The following NEMP2 variants were observed in gnomAD, a reference collection of about 807,000 sequenced individuals.
NEMP2 encodes UPF0571 transmembrane protein.
In NEMP2, 53 loss-of-function variants were observed where a neutral mutation model predicts 54.2. That is an observed-to-expected ratio of 0.98 (90% CI 0.78 to 1.23). NEMP2 has a LOEUF of 1.23. NEMP2 is among the 50% of genes most tolerant of loss of function. The pLI is 0.00. For missense variants in NEMP2, 455 were observed against 511.3 expected (o/e 0.89, Z 1.06); for synonymous variants, 197 against 190.3 (o/e 1.04, Z -0.29).
chr2:190,510,631 C>T lies in NEMP2; in HGVS notation c.954-94G>A. 7.2e-7 allele frequency: 1 copy of T among 1,384,758 alleles called. No homozygotes were observed. The highest frequency in any genetic ancestry group is 9.9e-7 in the Non-Finnish European group (1 of 1,010,148). 85.8% of individuals were successfully genotyped at this position (1,384,758 alleles called of 1,614,324 possible). A position where few individuals can be genotyped will look rare whatever the true frequency, so the allele number is the denominator to read the frequency against. On this transcript the variant is annotated intron_variant, in intron 7 of 8. Coordinates refer to ENST00000409150, the MANE Select transcript of NEMP2 (RefSeq NM_001142645.2). The surrounding 1 kb of genome is among the most constrained non-coding windows in gnomAD (Gnocchi z 5.7). ...GGCTCGGTGGCTCACGCCTGTAATCCAGCATTTTGGGAGGCCTGGGGAGGC... is the reference window on the plus strand; with the variant it reads ...GGCTCGGTGGCTCACGCCTGTAATCTAGCATTTTGGGAGGCCTGGGGAGGC...
the NEMP2 span, among the ~76,000 whole-genome samples, chr2:190,474,623 A>C: frequency 1.3e-5 from 2 of 152,246 alleles, no homozygotes; most frequent in Non-Finnish European, 2.9e-5. Flanking sequence ...TCACAGCTGA[A>C]TTCGACCAGA....
At chr2:190,490,807 G>A in the NEMP2 span, among the ~76,000 whole-genome samples, 6,553 of 152,262 alleles carry the variant, frequency 0.043, 244 homozygotes, top group Middle Eastern at 0.15. This position sits in a 1 kb window ranked among gnomAD's most constrained non-coding sequence, Gnocchi z 4.5. Context: ...TATCCTTTGC[G>A]GAGCATTAGC....
downstream of NEMP2, chr2:190,500,284 C>G: frequency 6.4e-7 from 1 of 1,562,426 alleles, no homozygotes; most frequent in East Asian, 2.3e-5. The surrounding 1 kb of genome is among the most constrained non-coding windows in gnomAD (Gnocchi z 5.3). Flanking sequence ...AGGGTGAGGC[C>G]CCCCAGCCAG....
At chr2:190,546,392 G>A in the NEMP2 span, among the ~76,000 whole-genome samples, 1 of 152,042 alleles carries the variant, frequency 6.6e-6, no homozygotes, top group Non-Finnish European at 1.5e-5. This position sits in a 1 kb window ranked among gnomAD's most constrained non-coding sequence, Gnocchi z 5.1. Flanking sequence ...ATGAATGTAG[G>A]CTATATACAA....
At chr2:190,503,177 C>T (rs1690092836), downstream of NEMP2, among the ~76,000 whole-genome samples, 1 of 152,198 alleles carries the variant, frequency 6.6e-6, no homozygotes. The surrounding 1 kb of genome is among the most constrained non-coding windows in gnomAD (Gnocchi z 6.3). Context: ...TGTAGGTACA[C>T]CAGACCCTTT....
At chr2:190,623,889 C>A in the NEMP2 span, among the ~76,000 whole-genome samples, 1 of 152,078 alleles carries the variant, frequency 6.6e-6, no homozygotes, top group Admixed American at 6.5e-5. Flanking sequence ...AAGATACAAC[C>A]TACAGAACGG....
the NEMP2 span, among the ~76,000 whole-genome samples, chr2:190,569,376 G>A: frequency 7.0e-6 from 1 of 142,880 alleles, no homozygotes; most frequent in South Asian, 2.4e-4. Flanking sequence ...AGAGTTGTGA[G>A]GCCATTACCT....
At chr2:190,534,455 G>A (rs1691286529) in intron 1 of NEMP2, 104 bp downstream of exon 1, 1 of 1,241,086 alleles carries the variant, frequency 8.1e-7, no homozygotes, top group Non-Finnish European at 1.0e-6. Flanking sequence ...CCGCCCCAGT[G>A]GGCCTCGCGG....
chr2:190,426,989 G>A, the NEMP2 span, among the ~76,000 whole-genome samples: 2 of 152,226 alleles, frequency 1.3e-5, no homozygotes, highest in Non-Finnish European at 2.9e-5. The surrounding 1 kb of genome is among the most constrained non-coding windows in gnomAD (Gnocchi z 4.7). Context: ...TTTCATTACT[G>A]TGAAGTGGAG....
chr2:190,458,760 T>C, the NEMP2 span, among the ~76,000 whole-genome samples: 1 of 152,148 alleles, frequency 6.6e-6, no homozygotes, highest in Non-Finnish European at 1.5e-5. The surrounding 1 kb of genome is among the most constrained non-coding windows in gnomAD (Gnocchi z 5.3). Flanking sequence ...GACTGTATTG[T>C]CCAATTGAGA....
the NEMP2 span, among the ~76,000 whole-genome samples, chr2:190,594,725 A>C: frequency 2.6e-4 from 39 of 152,284 alleles, no homozygotes; most frequent in Middle Eastern, 3.4e-3. This position sits in a 1 kb window ranked among gnomAD's most constrained non-coding sequence, Gnocchi z 5.6. Flanking sequence ...GTGCCAGTAC[A>C]CCCGGCTAAT....
chr2:190,561,224 A>C, the NEMP2 span, among the ~76,000 whole-genome samples: 3 of 152,008 alleles, frequency 2.0e-5, no homozygotes, highest in African/African-American at 7.3e-5. This position sits in a 1 kb window ranked among gnomAD's most constrained non-coding sequence, Gnocchi z 5.4. Context: ...CAATCATCCT[A>C]CTTGAGAAGA....
chr2:190,630,429 G>T, the NEMP2 span, among the ~76,000 whole-genome samples: 2 of 151,942 alleles, frequency 1.3e-5, no homozygotes, highest in Non-Finnish European at 2.9e-5. This position sits in a 1 kb window ranked among gnomAD's most constrained non-coding sequence, Gnocchi z 5.5. Flanking sequence ...TGTTGGCCAG[G>T]CTAGCCTCAA....
rs1191279652 is a variant in NEMP2 at position 190,523,320 on chromosome 2, G to C, written c.213+1943C>G. On this transcript the variant is annotated intron_variant, in intron 2 of 8. Coordinates refer to ENST00000409150, the MANE Select transcript of NEMP2 (RefSeq NM_001142645.2). This position sits in a 1 kb window ranked among gnomAD's most constrained non-coding sequence, Gnocchi z 5.3. ...TGTTACTAGGTTTGTTTTTTGTAAT[G>C]GTATGACTTACCAATTCTGTAACTA... 1.3e-5 allele frequency among the ~76,000 whole-genome samples: 2 copies of C among 152,058 alleles called. No individual in the cohort carries two copies. The highest frequency in any genetic ancestry group is 2.9e-5 in the Non-Finnish European group (2 of 68,020).
chr2:190,483,237 TAAC>T, the NEMP2 span, among the ~76,000 whole-genome samples: 1 of 152,110 alleles, frequency 6.6e-6, no homozygotes, highest in African/African-American at 2.4e-5. Flanking sequence ...TGTTTGATAT[TAAC>T]AACAAAATCT....
chr2:190,535,691 G>A (rs1027023070), upstream of NEMP2, among the ~76,000 whole-genome samples: 7 of 152,162 alleles, frequency 4.6e-5, no homozygotes, highest in African/African-American at 1.7e-4. Flanking sequence ...CTCAAAGAAA[G>A]GTTTAACCAA....
At position 190,518,953 on chromosome 2, in the gene NEMP2, G is replaced by C; in HGVS notation, c.444C>G (p.Asn148Lys). ...IFNYMIHVNR[N>K]IMDFKLFLVF... is the part of the protein sequence containing the mutation. ...CAAGTATAATAAAATCGGACTTACT[G>C]TTTCGATTCACATGTATCATATAGT... is the stretch of plus-strand genomic sequence containing the variant. The change falls in exon 3 of 9, where the codon AAC (asparagine) becomes AAG (lysine). Residue 148 changes from asparagine to lysine, a missense_variant and splice_region_variant. Physicochemically the swap from Asn to Lys is moderately conservative, Grantham distance 94 (BLOSUM62 0). Transcript: ENST00000409150. 1 of 1,547,412 alleles carries C rather than the reference G, an allele frequency of 6.5e-7. No individual in the cohort carries two copies. Among genetic ancestry groups the C allele is most frequent in the South Asian group, 1.2e-5 (1 of 83,848 alleles).
chr2:190,436,195 T>C, the NEMP2 span: 2 of 1,614,198 alleles, frequency 1.2e-6, no homozygotes, highest in Non-Finnish European at 1.7e-6. The surrounding 1 kb of genome is among the most constrained non-coding windows in gnomAD (Gnocchi z 5.3). Context: ...GGAAATAGAC[T>C]GGATAGAGAA....
Position 190,531,473 on chromosome 2 carries a change from A to AGAG in NEMP2, c.97+3085_97+3086insCTC, listed in dbSNP as rs1691142083. ...GCAGGCTCTTTGATGCTTTCAATTAACCTGACTTCTAGAGAACAGTATATT... is the reference window on the plus strand; with the variant it reads ...GCAGGCTCTTTGATGCTTTCAATTAAGAGCCTGACTTCTAGAGAACAGTATATT... On this transcript the variant is annotated intron_variant, in intron 1 of 8. Transcript: ENST00000409150. This position sits in a 1 kb window ranked among gnomAD's most constrained non-coding sequence, Gnocchi z 4.7. Among the ~76,000 whole-genome samples the AGAG allele has an allele frequency of 6.6e-6, 1 of 152,194 alleles. No homozygotes were observed. The highest frequency in any genetic ancestry group is 2.4e-5 in the African/African-American group (1 of 41,446).
Sources: gnomAD v4.1 joint callset for allele counts (sites outside exome capture counted in the v4.1 genomes callset) on GRCh38, gnomAD v4.1.1 for gene constraint, Gnocchi (gnomAD v3.1) non-coding constraint, MANE v1.5 for transcripts, NCBI Gene and HGNC (gene_info 2026-07-23, HGNC 2026-07-21) for gene names.